The following WNK2 variants were observed in gnomAD, a reference collection of about 807,000 sequenced individuals.
WNK2 encodes serine/threonine-protein kinase WNK2.
Under a neutral mutation model 192.1 loss-of-function variants are expected in WNK2, and 67 were observed. That is an observed-to-expected ratio of 0.35 (90% CI 0.29 to 0.43). WNK2 has a LOEUF of 0.43. Ranked by LOEUF, WNK2 falls within the 20% of genes least tolerant of loss-of-function variation. The pLI, the probability that WNK2 is intolerant of heterozygous loss-of-function variation, is 1.00. For synonymous variants in WNK2, 1,439 were observed against 1,393.9 expected, an observed-to-expected ratio of 1.03 and a Z score of -0.72; for missense variants, 2,698 against 3,089.7, an observed-to-expected ratio of 0.87 and a Z score of 3.01.
At chr9:93,187,378 C>T (rs560973575) in intron 2 of WNK2, among the ~76,000 whole-genome samples, 1 of 152,258 alleles carries the variant, frequency 6.6e-6, no homozygotes, top group South Asian at 2.1e-4. Flanking sequence ...GGTCTATATG[C>T]TTTTTGTCTA....
Position 93,202,364 on chromosome 9 carries a change from G to GTGTGTGTA in WNK2, c.681+16757_681+16758insGTGTATGT, listed in dbSNP as rs576221975. Among the ~76,000 whole-genome samples, 1,164 of 146,036 alleles carry GTGTGTGTA rather than the reference G, an allele frequency of 8.0e-3. 10 individuals carry two copies. The highest frequency in any genetic ancestry group is 0.011 in the South Asian group (49 of 4,634). On this transcript the variant is annotated intron_variant, in intron 2 of 29. Transcript: ENST00000427277. ...TGTGTGTGTGTGTGTGTGTGTGTGT[G>GTGTGTGTA]TGTATGTCTCGTCTTTGGCTCGTTT...
intron 2 of WNK2, among the ~76,000 whole-genome samples, chr9:93,201,729 T>G (rs1407864844): frequency 6.6e-6 from 1 of 152,244 alleles, no homozygotes; most frequent in East Asian, 1.9e-4. Flanking sequence ...AGAGCCCTTT[T>G]GGCTCATATC....
At position 93,289,512 on chromosome 9, in the gene WNK2, G is replaced by C. The variant is rs1447815466; in HGVS notation, c.4758G>C (p.Glu1586Asp). 1.9e-6 allele frequency: 3 copies of C among 1,604,638 alleles called. No individual in the cohort carries two copies. The highest frequency in any genetic ancestry group is 1.1e-5 in the South Asian group (1 of 90,712). ...TGGGCGACAGAGACTTCACCCTGGA[G>C]CCCCTGAGAGGGGACCAGCCCCGCT... ...VEVGDRDFTLEPLRGDQPRSE... is the reference protein window; with the variant it reads ...VEVGDRDFTLDPLRGDQPRSE... Residue 1586 changes from glutamate to aspartate, a missense_variant, in exon 20 of 30, where the codon GAG (glutamate) becomes GAC (aspartate). This residue lies in a region of WNK2 where 1,098 missense variants were observed against 1,101.0 expected (regional missense o/e 1.00). Transcript: ENST00000427277.
Position 93,289,047 on chromosome 9 carries a change from G to C in WNK2, c.4293G>C (p.Glu1431Asp). 6.2e-7 allele frequency: 1 copy of C among 1,605,204 alleles called. No homozygotes were observed. The highest frequency in any genetic ancestry group is 2.2e-5 in the East Asian group (1 of 44,552). ...CTCAGGGGCTGACCAGTGAGCTCGA[G>C]ACGTCTCAGCCACTAGCGGAGACTC... ...GTPQGLTSEL[E>D]TSQPLAETHE... The change falls in exon 20 of 30, where the codon GAG (glutamate) becomes GAC (aspartate). Residue 1431 changes from glutamate (E) to aspartate (D), a missense_variant. By Grantham distance (45) the Glu-to-Asp change is conservative. Transcript: ENST00000427277.
Position 93,293,180 on chromosome 9 carries a change from C to G in WNK2, c.5708+7C>G, listed in dbSNP as rs1849646726. 1 of 1,470,118 alleles carries G rather than the reference C, an allele frequency of 6.8e-7. No homozygotes were observed. The highest frequency in any genetic ancestry group is 1.4e-5 in the African/African-American group (1 of 70,814). 91.1% of individuals were successfully genotyped at this position (1,470,118 alleles called of 1,614,324 possible). A position where few individuals can be genotyped will look rare whatever the true frequency, so the allele number is the denominator to read the frequency against. On this transcript the variant is annotated splice_region_variant and intron_variant, in intron 23 of 29. Transcript: ENST00000427277. Reference sequence around the variant, plus strand: ...TGCAGAGTCTGCGGGAGAAGTAGGTCCTGCGGGCAGGAAGTGTTGCCCCCG... The same window carrying G: ...TGCAGAGTCTGCGGGAGAAGTAGGTGCTGCGGGCAGGAAGTGTTGCCCCCG...
Position 93,299,195 on chromosome 9 carries a change from C to A in WNK2, c.6049C>A (p.Arg2017=). The change falls in exon 25 of 30, where the codon CGG becomes AGG. Residue 2017 remains arginine (R), a synonymous_variant. Transcript: ENST00000427277. ...GCAGACCCAGCAGCCCTGCTCCGTC[C>A]GGGCCTCCCTGTCTTCGGACATCTG... The part of the protein sequence containing the change: ...AVQTQQPCSV[R]ASLSSDICSG... 2 of 1,601,966 alleles carry A rather than the reference C, an allele frequency of 1.2e-6. No individual in the cohort carries two copies. Among genetic ancestry groups the A allele is most frequent in the Non-Finnish European group, 1.7e-6 (2 of 1,171,634 alleles).
chr9:93,297,819 G>C, intron 23 of WNK2, 34 bp from the exon 24 acceptor site: 1 of 1,541,436 alleles, frequency 6.5e-7, no homozygotes, highest in African/African-American at 1.4e-5. Context: ...CACCGAGGAA[G>C]CCCATCGGCG....
In WNK2 at chr9:93,256,321, T is replaced by C; in HGVS notation, c.2057T>C (p.Val686Ala). 2 of 1,578,200 alleles carry C rather than the reference T, an allele frequency of 1.3e-6. No homozygotes were observed. Among genetic ancestry groups the C allele is most frequent in the Non-Finnish European group, 8.6e-7 (1 of 1,169,078 alleles). Residue 686 changes from valine to alanine, a missense_variant, in exon 10 of 30, where the codon GTC becomes GCC. Transcript: ENST00000427277. ...CAGCCTGGCTTGCCGGTGGGCTCTG[T>C]CCCGGCCCCCGCCTGCCCTCCGTCC... is the stretch of plus-strand genomic sequence containing the variant. Reference protein sequence around the residue: ...TAAPGLPVGSVPAPACPPSLQ... With the variant: ...TAAPGLPVGSAPAPACPPSLQ...
rs1364812937 is a variant in WNK2 at position 93,267,749 on chromosome 9, G to A, written c.3700G>A (p.Glu1234Lys). Residue 1234 changes from glutamate to lysine, a missense_variant, in exon 17 of 30, where the codon GAG becomes AAG. Around this residue, in one of 7 missense-constraint regions of WNK2, gnomAD observed 21 missense variants for 53.2 expected, o/e 0.39. Coordinates refer to ENST00000427277, the MANE Select transcript of WNK2 (RefSeq NM_006648.4). ...CTGGCAGTATGTCCCTTTGCAGGTG[G>A]AGCATGACTTTATCCTGCAGGCCGA... is the stretch of plus-strand genomic sequence containing the variant. Reference protein sequence around the residue: ...APDEIATYMVEHDFILQAERE... With the variant: ...APDEIATYMVKHDFILQAERE... 1.9e-6 allele frequency: 3 copies of A among 1,591,288 alleles called. No individual in the cohort carries two copies. Among genetic ancestry groups the A allele is most frequent in the Non-Finnish European group, 1.7e-6 (2 of 1,168,492 alleles).
intron 2 of WNK2, among the ~76,000 whole-genome samples, chr9:93,222,986 T>C (rs1298094532): frequency 6.6e-6 from 1 of 152,218 alleles, no homozygotes; most frequent in African/African-American, 2.4e-5. Context: ...CCAGCCGTGA[T>C]GTTCTTTTTA....
chr9:93,185,445 G>A lies in WNK2; in HGVS notation c.516G>A (p.Glu172=), dbSNP rs748351225. 8.1e-6 allele frequency: 13 copies of A among 1,612,186 alleles called. No homozygotes were observed. In the East Asian group the frequency reaches 1.6e-4, roughly 19 times the overall value. ...KPEPGRTRRD[E]PEEEEDDEDD... Reference sequence around the variant, plus strand: ...AGCCCGGGCGCACTCGCCGGGACGAGCCCGAAGAGGAGGAGGACGACGAGG... The same window carrying A: ...AGCCCGGGCGCACTCGCCGGGACGAACCCGAAGAGGAGGAGGACGACGAGG... Residue 172 remains glutamate (E), a synonymous_variant, in exon 2 of 30, where the codon GAG becomes GAA. Transcript: ENST00000427277.
rs1185325840 is a variant in WNK2, at chr9:93,308,555, G to A, written c.6487G>A (p.Gly2163Ser). 1 of 1,600,012 alleles carries A rather than the reference G, an allele frequency of 6.2e-7. No individual in the cohort carries two copies. Among genetic ancestry groups the A allele is most frequent in the South Asian group, 1.1e-5 (1 of 88,470 alleles). Residue 2163 changes from glycine (G) to serine (S), a missense_variant, in exon 28 of 30, where the codon GGC (glycine) becomes AGC (serine). Gly to Ser is a moderately conservative substitution (Grantham distance 56, BLOSUM62 0). Around this residue, in one of 7 missense-constraint regions of WNK2, gnomAD observed 167 missense variants for 184.2 expected, o/e 0.91. Coordinates refer to ENST00000427277, the MANE Select transcript of WNK2 (RefSeq NM_006648.4). ...QKLQDMEAQA[G>S]WAAPGEARAM... Reference sequence around the variant, plus strand: ...GCTGCAAGACATGGAGGCCCAGGCAGGCTGGGCTGCCCCTGGCGAGGCGCG... The same window carrying A: ...GCTGCAAGACATGGAGGCCCAGGCAAGCTGGGCTGCCCCTGGCGAGGCGCG...
intron 19 of WNK2, among the ~76,000 whole-genome samples, chr9:93,279,941 CTA>C (rs1341665215): frequency 6.6e-6 from 1 of 152,126 alleles, no homozygotes. Flanking sequence ...ACACTGAAAA[CTA>C]TGAAACTTAT....
intron 28 of WNK2, among the ~76,000 whole-genome samples, chr9:93,311,202 T>C (rs1028276679): frequency 1.3e-5 from 2 of 152,190 alleles, no homozygotes; most frequent in Non-Finnish European, 2.9e-5. Flanking sequence ...CAAAATGTCC[T>C]CCAAGGGCAC....
chr9:93,235,729 G>A, intron 5 of WNK2, among the ~76,000 whole-genome samples: 1 of 152,200 alleles, frequency 6.6e-6, no homozygotes, highest in East Asian at 1.9e-4. Flanking sequence ...GGCCCAGGCT[G>A]CCCTGATCCC....
chr9:93,268,146 C>T lies in WNK2; in HGVS notation c.3913+81C>T. The T allele has an allele frequency of 6.5e-6, 10 of 1,531,886 alleles. No individual in the cohort carries two copies. The South Asian group carries it at 1.2e-4, about 18-fold the overall frequency. The allele number at this position is 1,531,886 out of a possible 1,614,324, so 94.9% of individuals were successfully genotyped here. Reference sequence around the variant, plus strand: ...CTCAGCATATTACCAGGGGTTTGGCCATTGCTTGGGGGGATTATGGAAGCA... The same window carrying T: ...CTCAGCATATTACCAGGGGTTTGGCTATTGCTTGGGGGGATTATGGAAGCA... On this transcript the variant is annotated intron_variant, in intron 18 of 29. Coordinates refer to ENST00000427277, the MANE Select transcript of WNK2 (RefSeq NM_006648.4).
At chr9:93,256,032 C>G (rs1843234189) in intron 9 of WNK2, among the ~76,000 whole-genome samples, 1 of 152,194 alleles carries the variant, frequency 6.6e-6, no homozygotes, top group Admixed American at 6.5e-5. Flanking sequence ...TGCAGAGCCT[C>G]TGTGCTGGCC....
At chr9:93,297,443 C>T (rs925103003) in intron 23 of WNK2, among the ~76,000 whole-genome samples, 5 of 152,206 alleles carry the variant, frequency 3.3e-5, no homozygotes, top group African/African-American at 1.2e-4. Context: ...GTCTGTTTCC[C>T]CTGTGGAGGA....
intron 28 of WNK2, among the ~76,000 whole-genome samples, chr9:93,312,736 A>T (rs1247029438): frequency 2.0e-5 from 3 of 152,102 alleles, no homozygotes; most frequent in Non-Finnish European, 4.4e-5. Flanking sequence ...ACGTTGTTGA[A>T]AACTGCTTTC....
Sources: allele counts gnomAD v4.1 joint callset (sites outside exome capture counted in the v4.1 genomes callset), GRCh38; gene constraint gnomAD v4.1.1; regional missense constraint gnomAD v4.1.1; transcripts MANE v1.5; gene names NCBI Gene and HGNC (gene_info 2026-07-23, HGNC 2026-07-21).